Variants in TBX20 observed in about 807,000 individuals in gnomAD.
TBX20 encodes the protein T-box transcription factor 20.
TBX20 carries 8 observed loss-of-function variants against 42.9 expected under a neutral mutation model. The ratio of observed to expected loss-of-function variants is 0.19; its 90% CI spans 0.11 to 0.34. The LOEUF (loss-of-function observed/expected upper bound fraction) is 0.34. TBX20 is among the 10% of genes least tolerant of loss of function. The probability of loss-of-function intolerance (pLI) is 1.00; values close to 1 mark genes in which losing one functional copy is unlikely to be tolerated. For missense variants in TBX20, 411 were observed against 566.0 expected, an observed-to-expected ratio of 0.73 and a Z score of 2.78; for synonymous variants, 198 against 222.8, an observed-to-expected ratio of 0.89 and a Z score of 0.99.
intron 1 of TBX20, among the ~76,000 whole-genome samples, chr7:35,252,273 C>T (rs1202035905): frequency 6.6e-6 from 1 of 151,902 alleles, no homozygotes; most frequent in Non-Finnish European, 1.5e-5. Flanking sequence ...TTTTTCTAAA[C>T]AATTGGATTT....
At chr7:35,233,819 AT>A (rs770338855) in intron 5 of TBX20, among the ~76,000 whole-genome samples, 1 of 152,252 alleles carries the variant, frequency 6.6e-6, no homozygotes, top group Non-Finnish European at 1.5e-5. Flanking sequence ...TGCTTTCACA[AT>A]AATTCATCAG....
At chr7:35,246,559 G>A (rs1238072044) in intron 3 of TBX20, among the ~76,000 whole-genome samples, 1 of 152,112 alleles carries the variant, frequency 6.6e-6, no homozygotes, top group Non-Finnish European at 1.5e-5. Context: ...AAAAGGAGAT[G>A]TCCTATATGA....
chr7:35,252,102 G>T (rs1790315963), intron 1 of TBX20, among the ~76,000 whole-genome samples: 1 of 152,146 alleles, frequency 6.6e-6, no homozygotes, highest in African/African-American at 2.4e-5. Flanking sequence ...AGTGCAGCTG[G>T]GGCTGGCATG....
intron 4 of TBX20, among the ~76,000 whole-genome samples, chr7:35,241,989 T>C (rs1396350795): frequency 6.6e-6 from 1 of 152,120 alleles, no homozygotes; most frequent in Non-Finnish European, 1.5e-5. Flanking sequence ...ATGAGAGGGC[T>C]CACATTGCAT....
intron 7 of TBX20, among the ~76,000 whole-genome samples, chr7:35,203,338 ACT>A (rs1171913131): frequency 6.6e-6 from 1 of 151,984 alleles, no homozygotes; most frequent in Non-Finnish European, 1.5e-5. Context: ...TACAATTTAC[ACT>A]GAGTAGGCCT....
At chr7:35,230,755 C>A (rs540879339) in intron 6 of TBX20, among the ~76,000 whole-genome samples, 61 of 152,178 alleles carry the variant, frequency 4.0e-4, no homozygotes, top group African/African-American at 1.4e-3. Flanking sequence ...TAGGGAACTT[C>A]CCTGGTCAAT....
In TBX20 at chr7:35,248,049, T is replaced by C. The variant is rs560912194; in HGVS notation, c.545+628A>G. Among the ~76,000 whole-genome samples the C allele has an allele frequency of 7.2e-4, 109 of 152,320 alleles. 1 individual carries two copies. The South Asian group carries it at 0.02, about 28-fold the overall frequency. ...CACAAGAGTAAATATGCATGATCCC[T>C]AATATGTTAACTGAGGAATGTTTCA... On this transcript the variant is annotated intron_variant, in intron 3 of 7. Coordinates refer to ENST00000408931, the MANE Select transcript of TBX20 (RefSeq NM_001077653.2).
chr7:35,237,562 C>T (rs541681659), intron 5 of TBX20, among the ~76,000 whole-genome samples: 9 of 151,732 alleles, frequency 5.9e-5, no homozygotes, highest in South Asian at 4.2e-4. Flanking sequence ...AGGGGAAGTA[C>T]GTTTGCATAT....
intron 3 of TBX20, among the ~76,000 whole-genome samples, chr7:35,246,207 G>T (rs954781148): frequency 6.6e-6 from 1 of 152,168 alleles, no homozygotes; most frequent in African/African-American, 2.4e-5. Flanking sequence ...GCACAAAAAA[G>T]GTTGACAGCA....
intron 4 of TBX20, among the ~76,000 whole-genome samples, chr7:35,241,382 G>A (rs1347264481): frequency 1.3e-5 from 2 of 152,178 alleles, no homozygotes; most frequent in African/African-American, 4.8e-5. Flanking sequence ...ACCAAAGGAC[G>A]CATGTCTAAA....
chr7:35,235,752 G>A (rs1789953460), intron 5 of TBX20, among the ~76,000 whole-genome samples: 1 of 152,094 alleles, frequency 6.6e-6, no homozygotes, highest in African/African-American at 2.4e-5. Flanking sequence ...TTATCTTTAA[G>A]TAAATGTGTG....
At chr7:35,227,976 T>C (rs768966399) in intron 6 of TBX20, among the ~76,000 whole-genome samples, 1 of 152,146 alleles carries the variant, frequency 6.6e-6, no homozygotes, top group Admixed American at 6.6e-5. Context: ...TTATGTATAT[T>C]TTAACACAAT....
intron 5 of TBX20, among the ~76,000 whole-genome samples, chr7:35,238,865 C>A (rs1790018489): frequency 7.7e-6 from 1 of 130,272 alleles, no homozygotes; most frequent in Non-Finnish European, 1.7e-5. Flanking sequence ...GCATTAATTT[C>A]TCTATCTCAT....
chr7:35,217,472 T>A (rs1182323028), intron 6 of TBX20, among the ~76,000 whole-genome samples: 8 of 152,176 alleles, frequency 5.3e-5, no homozygotes, highest in Non-Finnish European at 1.0e-4. Context: ...TGTGAATAAC[T>A]CTACTCCATC....
intron 6 of TBX20, among the ~76,000 whole-genome samples, chr7:35,225,156 C>T (rs553205899): frequency 5.6e-4 from 85 of 152,280 alleles, no homozygotes; most frequent in African/African-American, 1.9e-3. Flanking sequence ...GCCAGAGACA[C>T]AGGAATCAAC....
chr7:35,232,317 C>T (rs1440805289), intron 5 of TBX20, among the ~76,000 whole-genome samples: 1 of 152,126 alleles, frequency 6.6e-6, no homozygotes, highest in African/African-American at 2.4e-5. Flanking sequence ...TCCCATAGTA[C>T]TACTATTAGT....
Position 35,250,130 on chromosome 7 carries a change from A to C in TBX20, c.201T>G (p.Phe67Leu). The C allele has an allele frequency of 3.7e-6, 6 of 1,613,896 alleles. No individual in the cohort carries two copies. Among genetic ancestry groups the C allele is most frequent in the Non-Finnish European group, 5.1e-6 (6 of 1,179,952 alleles). Residue 67 changes from phenylalanine (F) to leucine (L), a missense_variant, in exon 2 of 8, where the codon TTT becomes TTG. Transcript: ENST00000408931. ...ELTSLDAHGE[F>L]GGGSGSSPSS... is the part of the protein sequence containing the mutation. ...ACGGGCTGCTGCCACTGCCTCCACC[A>C]AACTCCCCATGAGCATCCAGGCTGG...
In TBX20 at chr7:35,231,419, T is replaced by C; in HGVS notation, c.890+85A>G. The C allele has an allele frequency of 4.6e-6, 4 of 870,258 alleles. No homozygotes were observed. The South Asian group carries it at 5.5e-5, about 12-fold the overall frequency. The allele number at this position is 870,258 out of a possible 1,614,324, so 53.9% of individuals were successfully genotyped here. ...TATATATAGTAAGGTTATGATTCTC[T>C]GGTGTCGAAAGGAGTGTGTTGTTAC... is the stretch of plus-strand genomic sequence containing the variant. On this transcript the variant is annotated intron_variant, in intron 6 of 7. Transcript: ENST00000408931.
At chr7:35,217,878 G>A (rs1299761635) in intron 6 of TBX20, among the ~76,000 whole-genome samples, 2 of 152,030 alleles carry the variant, frequency 1.3e-5, no homozygotes, top group Non-Finnish European at 2.9e-5. Flanking sequence ...GCACCACCAC[G>A]CCTGGTTAAT....
Sources: gnomAD v4.1 joint callset for allele counts (sites outside exome capture counted in the v4.1 genomes callset) on GRCh38, gnomAD v4.1.1 for gene constraint, MANE v1.5 for transcripts, NCBI Gene and HGNC (gene_info 2026-07-23, HGNC 2026-07-21) for gene names.